CYREN: variants seen among roughly 807,000 people sequenced by gnomAD.
CYREN encodes the protein cell cycle regulator of NHEJ, also known as cell cycle regulator of non-homologous end joining.
A neutral mutation model predicts 9.7 loss-of-function variants in CYREN; 7 were observed. The observed-to-expected ratio is 0.72, with a 90% CI of 0.41 to 1.36. CYREN has a LOEUF of 1.36. Among genes scored for constraint, CYREN ranks in the 40% most tolerant of loss-of-function variants. The pLI is 0.01. For synonymous variants in CYREN, 76 were observed against 77.9 expected (o/e 0.98, Z 0.13); for missense variants, 215 against 198.1 (o/e 1.09, Z -0.51).
chr7:135,168,672 G>GA lies in CYREN; in HGVS notation c.137+113dup. 7.6e-6 allele frequency: 11 copies of GA among 1,450,260 alleles called. No individual in the cohort carries two copies. The South Asian group carries it at 1.5e-4, about 20-fold the overall frequency. 89.8% of individuals were successfully genotyped at this position (1,450,260 alleles called of 1,614,324 possible). On this transcript the variant is annotated intron_variant, in intron 2 of 3. Coordinates refer to ENST00000393114, the MANE Select transcript of CYREN (RefSeq NM_024033.4). ...TAAAAGCTCAAGAGATGATCAGACT[G>GA]AAACACCCGCCCATCTTGCTGTTCT...
At chr7:135,103,224 C>A (rs1282436303) in intron 2 of CYREN, among the ~76,000 whole-genome samples, 1 of 152,146 alleles carries the variant, frequency 6.6e-6, no homozygotes, top group African/African-American at 2.4e-5. Flanking sequence ...ATAATCATTT[C>A]TTCTAATGCT....
At chr7:135,110,053 C>T (rs1227392328) in intron 2 of CYREN, among the ~76,000 whole-genome samples, 1 of 152,002 alleles carries the variant, frequency 6.6e-6, no homozygotes, top group Non-Finnish European at 1.5e-5. Flanking sequence ...GCACCAAAGG[C>T]AACAATGGCT....
chr7:135,105,713 G>C (rs1824602584), intron 2 of CYREN, among the ~76,000 whole-genome samples: 1 of 151,870 alleles, frequency 6.6e-6, no homozygotes, highest in Admixed American at 6.6e-5. Context: ...TTGCTATTTG[G>C]GCTTTTGTTT....
intron 2 of CYREN, among the ~76,000 whole-genome samples, chr7:135,109,749 T>C (rs4732093): frequency 0.95 from 145,041 of 152,310 alleles, 69,401 homozygotes; most frequent in Non-Finnish European, 1. Context: ...AAAAGCAGTC[T>C]GACCACTTTT....
intron 2 of CYREN, among the ~76,000 whole-genome samples, chr7:135,143,140 A>G (rs546690245): frequency 2.6e-5 from 4 of 152,286 alleles, no homozygotes; most frequent in African/African-American, 9.6e-5. Flanking sequence ...TGAAGCCAGG[A>G]ACTTAAAACC....
At chr7:135,146,748 CAT>C (rs1218794115) in intron 2 of CYREN, among the ~76,000 whole-genome samples, 1 of 152,126 alleles carries the variant, frequency 6.6e-6, no homozygotes, top group East Asian at 1.9e-4. Context: ...CCAATCCAAG[CAT>C]GTTATTTAGA....
intron 2 of CYREN, among the ~76,000 whole-genome samples, chr7:135,114,355 C>CT (rs1258872314): frequency 1.3e-5 from 2 of 152,126 alleles, no homozygotes; most frequent in Non-Finnish European, 2.9e-5. Context: ...CTTGCCAGCA[C>CT]TTGTTATTTT....
At chr7:135,131,591 C>T (rs1391600443) in intron 2 of CYREN, among the ~76,000 whole-genome samples, 2 of 151,688 alleles carry the variant, frequency 1.3e-5, no homozygotes, top group Non-Finnish European at 2.9e-5. Flanking sequence ...ACTGCATATG[C>T]TAAAAAATGA....
chr7:135,106,457 A>G (rs1423733283), intron 2 of CYREN, among the ~76,000 whole-genome samples: 2 of 152,204 alleles, frequency 1.3e-5, no homozygotes, highest in Non-Finnish European at 2.9e-5. Flanking sequence ...CCTTTTCTGC[A>G]TCTATTGAGA....
In CYREN at chr7:135,151,847, C is replaced by A. The variant is rs543299376; in HGVS notation, n.356+16902G>T. ...TCATCTGGCTCTAAAACCCATGCTC[C>A]TTACCACCACACTGTGCTACCTCTC... On this transcript the variant is annotated intron_variant and non_coding_transcript_variant, in intron 2 of 2. Coordinates refer to the CYREN transcript ENST00000459937. This position sits in a 1 kb window ranked among gnomAD's most constrained non-coding sequence, Gnocchi z 4.3. Among the ~76,000 whole-genome samples, 1 of 152,194 alleles carries A rather than the reference C, an allele frequency of 6.6e-6. No homozygotes were observed. The highest frequency in any genetic ancestry group is 1.5e-5 in the Non-Finnish European group (1 of 68,030).
At chr7:135,112,721 A>C (rs1399870037) in intron 2 of CYREN, among the ~76,000 whole-genome samples, 1 of 152,214 alleles carries the variant, frequency 6.6e-6, no homozygotes, top group African/African-American at 2.4e-5. Flanking sequence ...TGTTTTTCAC[A>C]TCTATTTACC....
At chr7:135,154,472 T>C (rs1444874285) in intron 2 of CYREN, among the ~76,000 whole-genome samples, 1 of 152,230 alleles carries the variant, frequency 6.6e-6, no homozygotes, top group African/African-American at 2.4e-5. Flanking sequence ...TCTTTCTACT[T>C]TTTTGATGTA....
chr7:135,169,812 A>C (rs2278127), intron 1 of CYREN, among the ~76,000 whole-genome samples: 26,826 of 150,648 alleles, frequency 0.18, 2,339 homozygotes, highest in East Asian at 0.19. Flanking sequence ...AGGTTTGCCC[A>C]AAAAAAAGAG....
chr7:135,168,879 G>A lies in CYREN; in HGVS notation c.44C>T (p.Ser15Leu). 1 of 1,613,782 alleles carries A rather than the reference G, an allele frequency of 6.2e-7. No individual in the cohort carries two copies. The highest frequency in any genetic ancestry group is 8.5e-7 in the Non-Finnish European group (1 of 1,179,816). ...QSETKTRVLP[S>L]WLTAQVATKN... is the part of the protein sequence containing the mutation. ...TGTAGCCACCTGGGCTGTCAGCCAT[G>A]AGGGAAGGACCCTCGTTTTAGTCTC... The change falls in exon 2 of 4, where the codon TCA (serine) becomes TTA (leucine). Residue 15 changes from serine to leucine, a missense_variant. Transcript: ENST00000393114.
Position 135,125,122 on chromosome 7 carries a change from T to A in CYREN, n.357-30540A>T, listed in dbSNP as rs181846049. Among the ~76,000 whole-genome samples the A allele has an allele frequency of 7.2e-3, 1,094 of 151,678 alleles. 15 individuals carry two copies. Among genetic ancestry groups the A allele is most frequent in the African/African-American group, 0.025 (1,020 of 41,360 alleles). On this transcript the variant is annotated intron_variant and non_coding_transcript_variant, in intron 2 of 2. Transcript: ENST00000459937. ...TCACTGACTCCAGCAGCTGTTTTTT[T>A]AAAAAAATTAACAAAATAGACCACT...
chr7:135,139,102 A>G lies in CYREN; in HGVS notation n.356+29647T>C, dbSNP rs148386168. ...TAGAACAATTTATATTCCTTTGGAT[A>G]TATACTGCATAATGGGATTGCTGGG... is the stretch of plus-strand genomic sequence containing the variant. On this transcript the variant is annotated intron_variant and non_coding_transcript_variant, in intron 2 of 2. Coordinates refer to the CYREN transcript ENST00000459937. 1.2e-3 allele frequency among the ~76,000 whole-genome samples: 189 copies of G among 152,178 alleles called. 3 individuals carry two copies. Among genetic ancestry groups the G allele is most frequent in the African/African-American group, 3.7e-3 (155 of 41,546 alleles).
At chr7:135,133,604 C>T (rs1011710764) in intron 2 of CYREN, among the ~76,000 whole-genome samples, 1 of 151,984 alleles carries the variant, frequency 6.6e-6, no homozygotes, top group Non-Finnish European at 1.5e-5. Context: ...AGGCAAAAAC[C>T]AAGAAATAGA....
intron 2 of CYREN, among the ~76,000 whole-genome samples, chr7:135,143,322 C>T (rs1829486432): frequency 6.6e-6 from 1 of 152,140 alleles, no homozygotes. Context: ...TAAATATAGT[C>T]AACTCATCTT....
At chr7:135,113,678 A>G (rs1825940183) in intron 2 of CYREN, among the ~76,000 whole-genome samples, 5 of 152,372 alleles carry the variant, frequency 3.3e-5, no homozygotes, top group Admixed American at 3.3e-4. Context: ...TAAAATACAC[A>G]TAACAAAATT....
Sources: allele counts gnomAD v4.1 joint callset (sites outside exome capture counted in the v4.1 genomes callset), GRCh38; gene constraint gnomAD v4.1.1; non-coding constraint Gnocchi (gnomAD v3.1); transcripts MANE v1.5; gene names NCBI Gene and HGNC (gene_info 2026-07-23, HGNC 2026-07-21).